Variants in NKAIN3 observed in about 807,000 individuals in gnomAD.
NKAIN3 encodes the protein sodium/potassium-transporting ATPase subunit beta-1-interacting protein 3.
Under a neutral mutation model 30.2 loss-of-function variants are expected in NKAIN3, and 25 were observed. The observed-to-expected ratio is 0.83, with a 90% CI of 0.60 to 1.16. The LOEUF is 1.16. Among genes scored for constraint, NKAIN3 ranks in the 50% most tolerant of loss-of-function variants. The pLI is 0.00. For missense variants in NKAIN3, 225 were observed against 254.1 expected, an observed-to-expected ratio of 0.89 and a Z score of 0.78; for synonymous variants, 91 against 89.6, an observed-to-expected ratio of 1.02 and a Z score of -0.09.
intron 2 of NKAIN3, among the ~76,000 whole-genome samples, chr8:62,588,518 T>A (rs1177802758): frequency 6.6e-6 from 1 of 151,744 alleles, no homozygotes; most frequent in East Asian, 1.9e-4. Flanking sequence ...ATTTTAAAAA[T>A]TCATAAATGA....
intron 1 of NKAIN3, among the ~76,000 whole-genome samples, chr8:62,294,006 G>C (rs976699676): frequency 1.3e-5 from 2 of 152,162 alleles, no homozygotes; most frequent in African/African-American, 2.4e-5. Context: ...AGTAGTGAGC[G>C]AGGCTCTGTG....
intron 3 of NKAIN3, among the ~76,000 whole-genome samples, chr8:62,626,415 C>A (rs901357736): frequency 9.9e-5 from 15 of 152,032 alleles, no homozygotes; most frequent in Admixed American, 3.3e-4. Context: ...TTGTGTGGCC[C>A]GCTGGGCACA....
intron 1 of NKAIN3, among the ~76,000 whole-genome samples, chr8:62,392,058 AGCC>A (rs1817599655): frequency 6.6e-6 from 1 of 152,070 alleles, no homozygotes; most frequent in Non-Finnish European, 1.5e-5. Flanking sequence ...TTCTAATTAA[AGCC>A]CTAAAAAGTA....
chr8:62,818,816 C>T (rs982337049), intron 4 of NKAIN3, among the ~76,000 whole-genome samples: 2 of 151,880 alleles, frequency 1.3e-5, no homozygotes, highest in Non-Finnish European at 2.9e-5. Flanking sequence ...AGGCTAGATC[C>T]TAAAGGGTAA....
At chr8:62,257,002 T>A (rs529112210) in intron 1 of NKAIN3, among the ~76,000 whole-genome samples, 2 of 152,334 alleles carry the variant, frequency 1.3e-5, no homozygotes, top group South Asian at 4.1e-4. Context: ...TATATACTTA[T>A]GAGGTAATTT....
At chr8:62,498,466 A>G (rs887616330) in intron 1 of NKAIN3, among the ~76,000 whole-genome samples, 2 of 151,976 alleles carry the variant, frequency 1.3e-5, no homozygotes, top group African/African-American at 2.4e-5. Context: ...ATTACCCTGT[A>G]TAACTGCCTC....
At chr8:62,459,494 G>C (rs1317818898) in intron 1 of NKAIN3, among the ~76,000 whole-genome samples, 1 of 152,166 alleles carries the variant, frequency 6.6e-6, no homozygotes, top group Non-Finnish European at 1.5e-5. Flanking sequence ...CACTGTGGAT[G>C]CAGCAATGAA....
At chr8:62,555,009 T>TACACACAC (rs1491362672) in intron 1 of NKAIN3, among the ~76,000 whole-genome samples, 34 of 104,744 alleles carry the variant, frequency 3.2e-4, no homozygotes, top group African/African-American at 9.9e-4. Context: ...TGGCAGAATC[T>TACACACAC]ATACACACAC....
At chr8:62,714,803 G>A (rs771792998) in intron 3 of NKAIN3, among the ~76,000 whole-genome samples, 1 of 152,170 alleles carries the variant, frequency 6.6e-6, no homozygotes, top group Non-Finnish European at 1.5e-5. Flanking sequence ...TTCACAGCTT[G>A]TGCTAAAATA....
chr8:62,899,546 A>G (rs1002973403), intron 4 of NKAIN3, among the ~76,000 whole-genome samples: 3 of 152,096 alleles, frequency 2.0e-5, no homozygotes, highest in African/African-American at 7.2e-5. Flanking sequence ...AATCAAACTC[A>G]TGGAGATAGA....
chr8:62,399,184 T>G (rs569830634), intron 1 of NKAIN3, among the ~76,000 whole-genome samples: 16 of 152,320 alleles, frequency 1.1e-4, no homozygotes, highest in Non-Finnish European at 2.1e-4. Context: ...TACATCATTT[T>G]TTTCAGAAGA....
intron 1 of NKAIN3, among the ~76,000 whole-genome samples, chr8:62,412,665 C>T (rs1011445821): frequency 6.6e-6 from 1 of 151,700 alleles, no homozygotes; most frequent in African/African-American, 2.4e-5. Context: ...GAGGCAGAGG[C>T]GGGCGGAACA....
chr8:62,396,930 A>G (rs905144743), intron 1 of NKAIN3, among the ~76,000 whole-genome samples: 2 of 152,222 alleles, frequency 1.3e-5, no homozygotes, highest in African/African-American at 4.8e-5. Context: ...GGGAAAAAGG[A>G]CAAAAGCCCT....
chr8:62,822,409 C>T (rs1818875524), intron 4 of NKAIN3, among the ~76,000 whole-genome samples: 1 of 152,012 alleles, frequency 6.6e-6, no homozygotes, highest in Admixed American at 6.6e-5. Context: ...AGCATTTTAC[C>T]TTAACAGTCT....
chr8:62,859,035 A>T (rs1820155510), intron 4 of NKAIN3, among the ~76,000 whole-genome samples: 2 of 152,184 alleles, frequency 1.3e-5, no homozygotes, highest in South Asian at 4.1e-4. Context: ...AAGACTCCAC[A>T]TAGCTCTGTG....
At chr8:62,299,678 C>G (rs1050044902) in intron 1 of NKAIN3, among the ~76,000 whole-genome samples, 1 of 152,022 alleles carries the variant, frequency 6.6e-6, no homozygotes, top group African/African-American at 2.4e-5. Flanking sequence ...AGGAACACCT[C>G]TCTGTGTATT....
At chr8:62,326,558 T>G (rs977887823) in intron 1 of NKAIN3, among the ~76,000 whole-genome samples, 1 of 151,570 alleles carries the variant, frequency 6.6e-6, no homozygotes, top group Non-Finnish European at 1.5e-5. Flanking sequence ...TATTATTTAA[T>G]AATTATTAAT....
At chr8:62,933,073 C>T (rs1268602305) in intron 5 of NKAIN3, among the ~76,000 whole-genome samples, 1 of 151,514 alleles carries the variant, frequency 6.6e-6, no homozygotes, top group African/African-American at 2.4e-5. Flanking sequence ...TGTACCCACT[C>T]AGGTCACACC....
intron 4 of NKAIN3, among the ~76,000 whole-genome samples, chr8:62,842,558 CTT>C (rs1301733487): frequency 6.6e-6 from 1 of 152,016 alleles, no homozygotes; most frequent in Non-Finnish European, 1.5e-5. Context: ...CCAAAGTAAT[CTT>C]GAGCAAAAAG....
Sources: allele counts gnomAD v4.1 joint callset (sites outside exome capture counted in the v4.1 genomes callset), GRCh38; gene constraint gnomAD v4.1.1; transcripts MANE v1.5; gene names NCBI Gene and HGNC (gene_info 2026-07-23, HGNC 2026-07-21).